The following CDK14 variants were observed in gnomAD, a reference collection of about 807,000 sequenced individuals.
The protein encoded by CDK14 is cyclin-dependent kinase 14.
CDK14 carries 34 observed loss-of-function variants against 60.7 expected under a neutral mutation model. The ratio of observed to expected loss-of-function variants is 0.56; its 90% CI spans 0.43 to 0.75. The LOEUF (loss-of-function observed/expected upper bound fraction) is 0.75. CDK14 is among the 30% of genes least tolerant of loss of function. The pLI is 0.00. For synonymous variants in CDK14, 197 were observed against 203.7 expected (o/e 0.97, Z 0.28); for missense variants, 482 against 564.1 (o/e 0.85, Z 1.47).
At chr7:90,767,608 G>A (rs1166089848) in intron 4 of CDK14, among the ~76,000 whole-genome samples, 1 of 152,076 alleles carries the variant, frequency 6.6e-6, no homozygotes, top group Non-Finnish European at 1.5e-5. Flanking sequence ...GCCTTCTCAT[G>A]TGGACTTCAG....
intron 10 of CDK14, among the ~76,000 whole-genome samples, chr7:91,028,920 A>G (rs942733744): frequency 1.3e-5 from 2 of 151,966 alleles, no homozygotes; most frequent in African/African-American, 4.8e-5. Flanking sequence ...ATTGATTATT[A>G]ATATTATTAT....
intron 6 of CDK14, among the ~76,000 whole-genome samples, chr7:90,897,673 T>C (rs1792381041): frequency 6.6e-6 from 1 of 152,082 alleles, no homozygotes; most frequent in Non-Finnish European, 1.5e-5. Flanking sequence ...AGTTACAAAA[T>C]GGCAGTTTGG....
intron 2 of CDK14, among the ~76,000 whole-genome samples, chr7:90,612,022 G>T (rs1304178944): frequency 6.6e-6 from 1 of 151,916 alleles, no homozygotes; most frequent in African/African-American, 2.4e-5. Flanking sequence ...TAGTAGAGAC[G>T]GGGTTTCACC....
intron 5 of CDK14, among the ~76,000 whole-genome samples, chr7:90,828,490 A>G (rs1309523345): frequency 6.6e-6 from 1 of 151,264 alleles, no homozygotes; most frequent in Admixed American, 6.6e-5. Flanking sequence ...AATCTCTTAA[A>G]CTTCTCATTG....
chr7:91,138,818 G>T (rs950326147), intron 14 of CDK14, among the ~76,000 whole-genome samples: 1 of 151,656 alleles, frequency 6.6e-6, no homozygotes, highest in Admixed American at 6.6e-5. Context: ...ATATTTTATG[G>T]AACCAAGGAC....
intron 5 of CDK14, among the ~76,000 whole-genome samples, chr7:90,839,576 C>A (rs1790221770): frequency 6.6e-6 from 1 of 152,142 alleles, no homozygotes; most frequent in Admixed American, 6.5e-5. Flanking sequence ...GATTTAAAAA[C>A]AAATGGCAAA....
intron 8 of CDK14, among the ~76,000 whole-genome samples, chr7:90,937,994 G>A (rs1793807098): frequency 6.6e-6 from 1 of 152,198 alleles, no homozygotes; most frequent in African/African-American, 2.4e-5. Context: ...CGTAGCTAGA[G>A]TAAGTTCATG....
intron 11 of CDK14, among the ~76,000 whole-genome samples, chr7:91,077,090 A>C (rs1284015106): frequency 6.6e-6 from 1 of 152,226 alleles, no homozygotes; most frequent in African/African-American, 2.4e-5. Context: ...CAGTGTGGTG[A>C]TTCCTCAAGG....
intron 10 of CDK14, among the ~76,000 whole-genome samples, chr7:91,040,999 G>A (rs1025706564): frequency 1.2e-4 from 19 of 152,114 alleles, no homozygotes; most frequent in Non-Finnish European, 8.8e-5. Flanking sequence ...TTTTCACAGC[G>A]AGGCCCTCTT....
intron 4 of CDK14, among the ~76,000 whole-genome samples, chr7:90,749,680 T>C (rs963788334): frequency 2.0e-5 from 3 of 152,198 alleles, no homozygotes; most frequent in African/African-American, 7.2e-5. Flanking sequence ...CTGGAGCACT[T>C]ACACTCCTGG....
Position 91,169,914 on chromosome 7 carries a change from T to C in CDK14, c.*29-37251T>C, listed in dbSNP as rs1300025950. 3.3e-5 allele frequency among the ~76,000 whole-genome samples: 5 copies of C among 152,372 alleles called. No homozygotes were observed. In the South Asian group the frequency reaches 6.2e-4, roughly 19 times the overall value. ...GCATTGTGCTTTATAATTCATTCTT[T>C]TCACATACAGTACCCTGCGTTATCA... is the stretch of plus-strand genomic sequence containing the variant. On this transcript the variant is annotated intron_variant, in intron 14 of 14. Transcript: ENST00000380050.
chr7:90,971,680 AT>A (rs1270081413), intron 9 of CDK14, among the ~76,000 whole-genome samples: 1 of 151,438 alleles, frequency 6.6e-6, no homozygotes, highest in African/African-American at 2.4e-5. Flanking sequence ...AAGGCAAAAG[AT>A]TTCAGATGAT....
At chr7:90,954,431 C>G (rs1794347759) in intron 8 of CDK14, among the ~76,000 whole-genome samples, 1 of 151,898 alleles carries the variant, frequency 6.6e-6, no homozygotes, top group African/African-American at 2.4e-5. Context: ...AGATAGAAAG[C>G]TGTCACACAG....
At chr7:90,831,267 A>G (rs1362489253) in intron 5 of CDK14, among the ~76,000 whole-genome samples, 1 of 152,176 alleles carries the variant, frequency 6.6e-6, no homozygotes, top group African/African-American at 2.4e-5. Flanking sequence ...GAAACATATA[A>G]TCATTGCAGA....
At chr7:91,050,057 G>C (rs1323478716) in intron 11 of CDK14, among the ~76,000 whole-genome samples, 1 of 152,188 alleles carries the variant, frequency 6.6e-6, no homozygotes, top group East Asian at 1.9e-4. Context: ...GAACTCTTCA[G>C]GCAGAGACAA....
At chr7:90,617,555 A>G (rs889067633) in intron 2 of CDK14, among the ~76,000 whole-genome samples, 32 of 152,170 alleles carry the variant, frequency 2.1e-4, no homozygotes, top group Non-Finnish European at 4.3e-4. Flanking sequence ...CACATTTTAC[A>G]GAGAGGAAAC....
chr7:90,842,331 T>C (rs1790325763), intron 5 of CDK14, among the ~76,000 whole-genome samples: 1 of 152,118 alleles, frequency 6.6e-6, no homozygotes, highest in Non-Finnish European at 1.5e-5. Context: ...GTCAGACTCA[T>C]GTGAAAACTT....
intron 5 of CDK14, among the ~76,000 whole-genome samples, chr7:90,850,127 A>G (rs1380065763): frequency 6.6e-6 from 1 of 152,060 alleles, no homozygotes; most frequent in East Asian, 1.9e-4. Context: ...TGTGACATCT[A>G]TAATCTCCCT....
At chr7:91,009,509 G>A (rs963462543) in intron 10 of CDK14, among the ~76,000 whole-genome samples, 6 of 152,070 alleles carry the variant, frequency 3.9e-5, no homozygotes, top group Non-Finnish European at 1.5e-5. Context: ...AGTTCCAGTT[G>A]TTGTACATCT....
Sources: allele counts gnomAD v4.1 joint callset (sites outside exome capture counted in the v4.1 genomes callset), GRCh38; gene constraint gnomAD v4.1.1; transcripts MANE v1.5; gene names NCBI Gene and HGNC (gene_info 2026-07-23, HGNC 2026-07-21).